The following GANC variants were observed in gnomAD, a reference collection of about 807,000 sequenced individuals.
GANC encodes glucosidase alpha, neutral C, also known as neutral alpha-glucosidase C.
Under a neutral mutation model 124.2 loss-of-function variants are expected in GANC, and 117 were observed. The ratio of observed to expected loss-of-function variants is 0.94; its 90% confidence interval spans 0.81 to 1.10. The LOEUF is 1.10. Ranked by LOEUF, GANC falls within the 50% of genes least tolerant of loss-of-function variation. The pLI, the probability that GANC is intolerant of heterozygous loss-of-function variation, is 0.00. For missense variants in GANC, 1,140 were observed against 1,095.0 expected, an observed-to-expected ratio of 1.04 and a Z score of -0.58; for synonymous variants, 377 against 376.8, an observed-to-expected ratio of 1.00 and a Z score of -0.01.
At chr15:42,301,105 G>A (rs932939435) in intron 6 of GANC, among the ~76,000 whole-genome samples, 1 of 151,868 alleles carries the variant, frequency 6.6e-6, no homozygotes, top group African/African-American at 2.4e-5. Context: ...GCCTGCAGCT[G>A]CCAGCAAGAT....
chr15:42,293,250 C>T (rs1170301916), intron 5 of GANC, among the ~76,000 whole-genome samples: 2 of 152,150 alleles, frequency 1.3e-5, no homozygotes, highest in Non-Finnish European at 2.9e-5. Context: ...ACTTCACTCC[C>T]TTGCAATAAC....
intron 6 of GANC, among the ~76,000 whole-genome samples, chr15:42,303,510 A>G (rs1004415816): frequency 6.6e-6 from 1 of 152,220 alleles, no homozygotes; most frequent in Non-Finnish European, 1.5e-5. Flanking sequence ...TAACATTATT[A>G]ACCTTAAATG....
At chr15:42,290,848 AT>A (rs1223162889) in intron 4 of GANC, among the ~76,000 whole-genome samples, 1 of 152,114 alleles carries the variant, frequency 6.6e-6, no homozygotes, top group Non-Finnish European at 1.5e-5. Context: ...GAATAACAAT[AT>A]TTGGGAAGAG....
At chr15:42,322,986 C>G (rs1044587394) in intron 11 of GANC, among the ~76,000 whole-genome samples, 11 of 152,198 alleles carry the variant, frequency 7.2e-5, no homozygotes, top group Non-Finnish European at 1.6e-4. Context: ...TTTTCACAGA[C>G]AGCCAGAGCC....
At chr15:42,279,574 A>G (rs1190255448) in intron 3 of GANC, among the ~76,000 whole-genome samples, 1 of 152,176 alleles carries the variant, frequency 6.6e-6, no homozygotes, top group East Asian at 1.9e-4. Flanking sequence ...TCATAGAGGA[A>G]GCACTATGGG....
intron 5 of GANC, among the ~76,000 whole-genome samples, chr15:42,294,772 A>G (rs557999951): frequency 1.3e-5 from 2 of 151,430 alleles, no homozygotes; most frequent in Non-Finnish European, 2.9e-5. Context: ...AAGCAGCTAC[A>G]TAATTTCTGT....
Position 42,297,668 on chromosome 15 carries a change from T to C in GANC, c.558+12T>C, listed in dbSNP as rs1261390496. ...TGGACACCTCTCAGGTAATCTAGAT[T>C]GATCCATTTATTGTTATCTTTTTCA... On this transcript the variant is annotated intron_variant, in intron 6 of 23. Coordinates refer to ENST00000318010, the MANE Select transcript of GANC (RefSeq NM_198141.3). The C allele has an allele frequency of 1.3e-6, 2 of 1,584,558 alleles. No individual in the cohort carries two copies. Among genetic ancestry groups the C allele is most frequent in the East Asian group, 2.3e-5 (1 of 44,278 alleles).
In GANC at chr15:42,330,770, CTTTTTTTTT is replaced by C. The variant is rs71108160; in HGVS notation, c.1741+112_1741+120del. The C allele has an allele frequency of 2.2e-4, 79 of 361,082 alleles. No homozygotes were observed. The Middle Eastern group carries it at 2.4e-3, about 11-fold the overall frequency. The allele number at this position is 361,082 out of a possible 1,614,324, so 22.4% of individuals were successfully genotyped here. A position where few individuals can be genotyped will look rare whatever the true frequency, so the allele number is the denominator to read the frequency against. ...TTACTGTGCTGATGCCTTCCTTTTC[CTTTTTTTTT>C]TTTTTTTTTTTTTCATTTGTTTGTT... On this transcript the variant is annotated intron_variant, in intron 15 of 23. Coordinates refer to ENST00000318010, the MANE Select transcript of GANC (RefSeq NM_198141.3).
chr15:42,276,246 A>G (rs1261848434), intron 1 of GANC, 102 bp from the exon 2 acceptor site: 4 of 646,978 alleles, frequency 6.2e-6, no homozygotes, highest in Non-Finnish European at 1.1e-5. Flanking sequence ...AATAGACTCC[A>G]AAGGTTTATT....
chr15:42,310,870 T>C (rs1392705632), intron 10 of GANC, 24 bp downstream of exon 10: 3 of 1,603,064 alleles, frequency 1.9e-6, no homozygotes, highest in South Asian at 2.2e-5. Flanking sequence ...GAAGTGCCAG[T>C]TTCTTGTTCT....
chr15:42,291,564 TTGTAGTG>T (rs913982619), intron 4 of GANC, among the ~76,000 whole-genome samples: 2 of 152,132 alleles, frequency 1.3e-5, no homozygotes, highest in Admixed American at 1.3e-4. Flanking sequence ...TTGGAAAGCA[TTGTAGTG>T]AACATCTTCC....
In GANC at chr15:42,353,100, A is replaced by C; in HGVS notation, c.*961A>C. ...TATTACTGAGTTTTCCTTTTGTCCCAGGCTCTAATATGGCTTGGCATGGGG... is the reference window on the plus strand; with the variant it reads ...TATTACTGAGTTTTCCTTTTGTCCCCGGCTCTAATATGGCTTGGCATGGGG... On this transcript the variant is annotated 3_prime_UTR_variant, in exon 24 of 24. Coordinates refer to ENST00000318010, the MANE Select transcript of GANC (RefSeq NM_198141.3). 1 of 985,396 alleles carries C rather than the reference A, an allele frequency of 1.0e-6. No homozygotes were observed. The highest frequency in any genetic ancestry group is 1.7e-5 in the African/African-American group (1 of 57,352). 61.0% of individuals were successfully genotyped at this position (985,396 alleles called of 1,614,324 possible).
chr15:42,341,893 C>A (rs1341333860), intron 18 of GANC, among the ~76,000 whole-genome samples: 2 of 152,082 alleles, frequency 1.3e-5, no homozygotes, highest in East Asian at 3.9e-4. Flanking sequence ...AGTCTCCACT[C>A]ATCATTAGGT....
At chr15:42,315,778 C>T (rs1178475788) in intron 10 of GANC, among the ~76,000 whole-genome samples, 2 of 152,088 alleles carry the variant, frequency 1.3e-5, no homozygotes, top group African/African-American at 4.8e-5. Flanking sequence ...GAGTGGGCCT[C>T]ATCCAGTAGT....
chr15:42,298,621 T>A (rs902665747), intron 6 of GANC, among the ~76,000 whole-genome samples: 4 of 152,218 alleles, frequency 2.6e-5, no homozygotes, highest in African/African-American at 4.8e-5. Flanking sequence ...TCCAGAAATC[T>A]TCTCTCTCTT....
At chr15:42,347,539 C>T (rs1334000412) in intron 20 of GANC, among the ~76,000 whole-genome samples, 1 of 152,148 alleles carries the variant, frequency 6.6e-6, no homozygotes, top group African/African-American at 2.4e-5. Context: ...CACAGATTTA[C>T]CCTCAGAATT....
intron 17 of GANC, 146 bp from the exon 18 acceptor site, chr15:42,340,544 C>T (rs1480586443): frequency 1.7e-5 from 10 of 603,200 alleles, no homozygotes; most frequent in Non-Finnish European, 2.8e-5. Context: ...GCGGAAACTG[C>T]AGTGAGCCAA....
In GANC at chr15:42,329,373, A is replaced by C; in HGVS notation, c.1568A>C (p.Gln523Pro). The C allele has an allele frequency of 6.2e-7, 1 of 1,614,078 alleles. No individual in the cohort carries two copies. The highest frequency in any genetic ancestry group is 8.5e-7 in the Non-Finnish European group (1 of 1,179,962). The part of the protein sequence containing the change: ...NEPSVFRGPE[Q>P]TMQKNAIHHG... The stretch of plus-strand genomic sequence containing the variant: ...CCTTCTGTCTTTAGAGGGCCAGAGC[A>C]AACCATGCAGAAGAATGCCATTCAT... The change falls in exon 14 of 24, where the codon CAA (glutamine) becomes CCA (proline). Residue 523 changes from glutamine (Q) to proline (P), a missense_variant. Physicochemically the swap from Gln to Pro is moderately conservative, Grantham distance 76 (BLOSUM62 -1). Coordinates refer to ENST00000318010, the MANE Select transcript of GANC (RefSeq NM_198141.3).
Position 42,274,498 on chromosome 15 carries a change from AAG to A in GANC, c.20_21del (p.Glu7GlyfsTer5), listed in dbSNP as rs1282261917. ...AGAGAAGCCATGGAAGCAGCAGTGA[AAG>A]AGGAAATAAGGTAAAGGCCAAGTGC... On this transcript the variant is annotated frameshift_variant, in exon 1 of 24. Coordinates refer to ENST00000318010, the MANE Select transcript of GANC (RefSeq NM_198141.3). LOFTEE classifies it high-confidence loss of function. 3.1e-6 allele frequency: 5 copies of A among 1,610,238 alleles called. No homozygotes were observed. The African/African-American group carries it at 6.7e-5, about 21-fold the overall frequency.
Sources: allele counts gnomAD v4.1 joint callset (sites outside exome capture counted in the v4.1 genomes callset), GRCh38; gene constraint gnomAD v4.1.1; transcripts MANE v1.5; gene names NCBI Gene and HGNC (gene_info 2026-07-23, HGNC 2026-07-21).